Variants in MGA observed in about 807,000 individuals in gnomAD.
The protein encoded by MGA is MAX gene-associated protein.
MGA carries 40 observed loss-of-function variants against 261.1 expected under a neutral mutation model. The ratio of observed to expected loss-of-function variants is 0.15; its 90% CI spans 0.12 to 0.20. MGA has a LOEUF of 0.20. Ranked by LOEUF, MGA falls within the 10% of genes least tolerant of loss-of-function variation. MGA has a pLI of 1.00. For synonymous variants in MGA, 1,302 were observed against 1,290.6 expected (o/e 1.01, Z -0.19); for missense variants, 3,397 against 3,630.5 (o/e 0.94, Z 1.65).
intron 1 of MGA, among the ~76,000 whole-genome samples, chr15:41,664,595 G>A (rs2057619661): frequency 6.6e-6 from 1 of 152,040 alleles, no homozygotes. Context: ...TGCACCTAAG[G>A]ATGTTGTGCT....
At chr15:41,707,972 G>C (rs1484694706) in intron 6 of MGA, 113 bp downstream of exon 6, 18 of 1,400,772 alleles carry the variant, frequency 1.3e-5, no homozygotes, top group Non-Finnish European at 1.7e-5. Context: ...GTCTAAGATA[G>C]ATCTTTTGTC....
In MGA at chr15:41,762,107, A is replaced by G. The variant is rs1253988862; in HGVS notation, c.7511-22A>G. On this transcript the variant is annotated intron_variant, in intron 21 of 23. Coordinates refer to ENST00000219905, the MANE Select transcript of MGA (RefSeq NM_001164273.2). Reference sequence around the variant, plus strand: ...TATGTGGCGTAATGCTGAAAGTGCTAATGTATTCTGTTAACTTACAGGTAA... The same window carrying G: ...TATGTGGCGTAATGCTGAAAGTGCTGATGTATTCTGTTAACTTACAGGTAA... 5.8e-6 allele frequency: 9 copies of G among 1,559,066 alleles called. No homozygotes were observed. In the African/African-American group the frequency reaches 9.5e-5, roughly 16 times the overall value.
chr15:41,668,289 G>C (rs1400472167), intron 1 of MGA, among the ~76,000 whole-genome samples: 1 of 152,222 alleles, frequency 6.6e-6, no homozygotes, highest in Admixed American at 6.5e-5. Context: ...TTAAACGTGT[G>C]TACTAAGAAG....
At chr15:41,646,745 A>T (rs2056942347) in intron 1 of MGA, among the ~76,000 whole-genome samples, 1 of 150,954 alleles carries the variant, frequency 6.6e-6, no homozygotes, top group Non-Finnish European at 1.5e-5. Flanking sequence ...TTTTTGACTT[A>T]ATGATATTTT....
intron 15 of MGA, among the ~76,000 whole-genome samples, chr15:41,746,691 T>C (rs1354193390): frequency 1.3e-5 from 2 of 152,152 alleles, no homozygotes; most frequent in African/African-American, 4.8e-5. Flanking sequence ...CTAAATGTTA[T>C]GACCATGACT....
intron 2 of MGA, among the ~76,000 whole-genome samples, chr15:41,680,237 C>T (rs527326429): frequency 1.3e-5 from 2 of 152,290 alleles, no homozygotes; most frequent in African/African-American, 4.8e-5. Context: ...GAGTATATTG[C>T]TCAGGTTGTT....
chr15:41,749,968 G>T lies in MGA; in HGVS notation c.6361G>T (p.Asp2121Tyr). Residue 2121 changes from aspartate (D) to tyrosine (Y), a missense_variant, in exon 17 of 24, where the codon GAC becomes TAC. Around this residue, in one of 9 missense-constraint regions of MGA, gnomAD observed 1,410 missense variants for 1,386.4 expected, o/e 1.02. Transcript: ENST00000219905. Reference sequence around the variant, plus strand: ...GAAGGTGGAACAGCAGAAAGGATTTGACAATCCAGAAGAAAACTCAAGTGA... The same window carrying T: ...GAAGGTGGAACAGCAGAAAGGATTTTACAATCCAGAAGAAAACTCAAGTGA... The T allele has an allele frequency of 6.2e-7, 1 of 1,612,846 alleles. No individual in the cohort carries two copies. Among genetic ancestry groups the T allele is most frequent in the South Asian group, 1.1e-5 (1 of 90,900 alleles).
chr15:41,693,866 A>G (rs1489816353), intron 2 of MGA, among the ~76,000 whole-genome samples: 1 of 152,184 alleles, frequency 6.6e-6, no homozygotes, highest in Non-Finnish European at 1.5e-5. Flanking sequence ...TAAATTCAGT[A>G]ATAAAAGTAA....
intron 1 of MGA, among the ~76,000 whole-genome samples, chr15:41,661,907 C>T (rs1180352185): frequency 6.6e-6 from 1 of 152,118 alleles, no homozygotes; most frequent in African/African-American, 2.4e-5. Context: ...TCATCGGGTT[C>T]CGGCCGGCGG....
Position 41,749,518 on chromosome 15 carries a change from G to C in MGA, c.5911G>C (p.Glu1971Gln). 1 of 1,613,908 alleles carries C rather than the reference G, an allele frequency of 6.2e-7. No homozygotes were observed. The highest frequency in any genetic ancestry group is 8.5e-7 in the Non-Finnish European group (1 of 1,179,872). ...TGTTGCTTCCCTTCAGATGAAGAGA[G>C]AATCTCAGAATCCAGACCAGAAAGA... The change falls in exon 17 of 24, where the codon GAA becomes CAA. Residue 1971 changes from glutamate (E) to glutamine (Q), a missense_variant. Transcript: ENST00000219905.
chr15:41,668,358 T>C (rs987185642), intron 1 of MGA, among the ~76,000 whole-genome samples: 5 of 152,166 alleles, frequency 3.3e-5, no homozygotes, highest in African/African-American at 1.2e-4. Flanking sequence ...GAAGAACTAA[T>C]TCTGTACAAT....
chr15:41,764,488 C>T (rs907729672), intron 22 of MGA, among the ~76,000 whole-genome samples: 11 of 152,106 alleles, frequency 7.2e-5, no homozygotes, highest in African/African-American at 1.9e-4. Flanking sequence ...CTCCTGACCT[C>T]GTGATCCACC....
intron 7 of MGA, among the ~76,000 whole-genome samples, chr15:41,710,167 G>GGTCAAAGATT (rs2060317637): frequency 1.3e-5 from 2 of 151,988 alleles, no homozygotes; most frequent in South Asian, 2.1e-4. Context: ...TCTTTAATCA[G>GGTCAAAGATT]GTCAAAGATT....
chr15:41,630,545 T>C (rs1315790151), intron 1 of MGA, among the ~76,000 whole-genome samples: 5 of 152,188 alleles, frequency 3.3e-5, no homozygotes. Context: ...ATCTTTTTAT[T>C]ATGTCAAGTT....
chr15:41,656,809 C>T (rs2057211380), upstream of MGA, among the ~76,000 whole-genome samples: 1 of 152,146 alleles, frequency 6.6e-6, no homozygotes, highest in Non-Finnish European at 1.5e-5. Context: ...GGGTAGGTCT[C>T]ACTGTTGCCC....
At chr15:41,757,493 A>G (rs572578032) in intron 18 of MGA, among the ~76,000 whole-genome samples, 2 of 152,200 alleles carry the variant, frequency 1.3e-5, no homozygotes, top group African/African-American at 4.8e-5. Flanking sequence ...GTATTCAAAG[A>G]TACTGCTGGA....
At chr15:41,700,090 G>A (rs2059761418) in intron 5 of MGA, among the ~76,000 whole-genome samples, 1 of 138,800 alleles carries the variant, frequency 7.2e-6, no homozygotes, top group African/African-American at 2.7e-5. Context: ...TCTCGCCCAG[G>A]CTGGAGTGCA....
At chr15:41,698,726 C>A in intron 3 of MGA, 137 bp from the exon 4 acceptor site, 1 of 611,562 alleles carries the variant, frequency 1.6e-6, no homozygotes, top group East Asian at 2.9e-5. Context: ...AAAATTGCTC[C>A]TGTTCTGCCA....
rs1181027372 is a variant in MGA, at chr15:41,743,183, G to A, written c.5212+11G>A. 1 of 1,592,884 alleles carries A rather than the reference G, an allele frequency of 6.3e-7. No individual in the cohort carries two copies. Among genetic ancestry groups the A allele is most frequent in the African/African-American group, 1.3e-5 (1 of 74,364 alleles). ...TGAGCCAGAGACCAGGTAAGGCCTAGATGTTACTAGCTGCTTTATTTTACT... is the reference window on the plus strand; with the variant it reads ...TGAGCCAGAGACCAGGTAAGGCCTAAATGTTACTAGCTGCTTTATTTTACT... On this transcript the variant is annotated intron_variant, in intron 15 of 23. Transcript: ENST00000219905.
Sources: gnomAD v4.1 joint callset for allele counts (sites outside exome capture counted in the v4.1 genomes callset) on GRCh38, gnomAD v4.1.1 for gene constraint, gnomAD v4.1.1 regional missense constraint, MANE v1.5 for transcripts, NCBI Gene and HGNC (gene_info 2026-07-23, HGNC 2026-07-21) for gene names.